Variants in MYH10 observed in about 807,000 individuals in gnomAD.
MYH10 encodes myosin heavy chain 10, also known as myosin-10.
MYH10 carries 55 observed loss-of-function variants against 257.8 expected under a neutral mutation model. That is an observed-to-expected ratio of 0.21 (90% confidence interval 0.17 to 0.27). The LOEUF is 0.27. Among genes scored for constraint, MYH10 ranks in the 10% least tolerant of loss-of-function variants. The probability of loss-of-function intolerance (pLI) is 1.00; values close to 1 mark genes in which losing one functional copy is unlikely to be tolerated. For missense variants in MYH10, 1,631 were observed against 2,500.6 expected, an observed-to-expected ratio of 0.65 and a Z score of 7.42; for synonymous variants, 854 against 921.7, an observed-to-expected ratio of 0.93 and a Z score of 1.33.
At chr17:8,531,665 A>G (rs1329527924) in intron 16 of MYH10, among the ~76,000 whole-genome samples, 2 of 151,010 alleles carry the variant, frequency 1.3e-5, no homozygotes, top group African/African-American at 4.9e-5. Context: ...TGCTGGGATT[A>G]CAGGCGTGAG....
chr17:8,577,372 G>A (rs750607831), intron 4 of MYH10, 34 bp from the exon 5 acceptor site: 27 of 1,424,036 alleles, frequency 1.9e-5, no homozygotes, highest in Admixed American at 1.4e-4. Flanking sequence ...CTGCTTTAAC[G>A]AAAGCACAGC....
chr17:8,609,498 T>C lies in MYH10; in HGVS notation c.346-4516A>G, dbSNP rs2084943773. On this transcript the variant is annotated intron_variant, in intron 2 of 42. Transcript: ENST00000360416. ...AGAAATAAATTACCTGTGGAAATTA[T>C]CTATAAAATAACTAAAAGAAAACTT... 2.0e-5 allele frequency among the ~76,000 whole-genome samples: 3 copies of C among 152,152 alleles called. No individual in the cohort carries two copies. In the South Asian group the frequency reaches 6.2e-4, roughly 32 times the overall value.
intron 2 of MYH10, among the ~76,000 whole-genome samples, chr17:8,621,544 A>G (rs911291283): frequency 2.0e-5 from 3 of 152,110 alleles, no homozygotes; most frequent in Non-Finnish European, 4.4e-5. Flanking sequence ...TGGTTATTCA[A>G]TCTCAGCTGG....
rs1248105608 is a variant in MYH10 at position 8,604,950 on chromosome 17, G to A, written c.378C>T (p.Asn126=). The change falls in exon 3 of 43, where the codon AAC becomes AAT. Residue 126 remains asparagine (N), a synonymous_variant. Coordinates refer to ENST00000360416, the MANE Select transcript of MYH10 (RefSeq NM_001256012.3). ...AGTAAATTGGAAGATTCTTGTAAGG[G>A]TTTATAACTACACAGAAGAGTCCAG... ...TYSGLFCVVI[N]PYKNLPIYSE... The A allele has an allele frequency of 6.4e-6, 10 of 1,560,526 alleles. 1 individual carries two copies. The highest frequency in any genetic ancestry group is 5.4e-5 in the African/African-American group (4 of 73,474).
At position 8,501,457 on chromosome 17, in the gene MYH10, C is replaced by T. The variant is rs189013606; in HGVS notation, c.3600-487G>A. Reference sequence around the variant, plus strand: ...GATGCCAAACTGCCTGCCATAGCCCCAACAGACTTGAATAAAACTGGAAAA... The same window carrying T: ...GATGCCAAACTGCCTGCCATAGCCCTAACAGACTTGAATAAAACTGGAAAA... On this transcript the variant is annotated intron_variant, in intron 28 of 42. Coordinates refer to ENST00000360416, the MANE Select transcript of MYH10 (RefSeq NM_001256012.3). Among the ~76,000 whole-genome samples, 335 of 152,254 alleles carry T rather than the reference C, an allele frequency of 2.2e-3. 1 individual carries two copies. Among genetic ancestry groups the T allele is most frequent in the Middle Eastern group, 0.02 (6 of 294 alleles).
intron 3 of MYH10, among the ~76,000 whole-genome samples, chr17:8,590,873 C>CTTTTT (rs398030291): frequency 0.69 from 61,026 of 88,042 alleles, 24,149 homozygotes; most frequent in East Asian, 0.81. Context: ...TCAATGTCGC[C>CTTTTT]TTTTTTTTTT....
intron 7 of MYH10, among the ~76,000 whole-genome samples, chr17:8,562,898 ATT>A (rs1263726015): frequency 6.6e-6 from 1 of 152,188 alleles, no homozygotes; most frequent in Admixed American, 6.5e-5. Context: ...AGTTTCAAAA[ATT>A]TTGTTTGTTC....
intron 7 of MYH10, among the ~76,000 whole-genome samples, chr17:8,565,387 A>C (rs2083132011): frequency 6.6e-6 from 1 of 152,222 alleles, no homozygotes; most frequent in African/African-American, 2.4e-5. Flanking sequence ...AACATTATTT[A>C]ATCAATGGAC....
At position 8,604,779 on chromosome 17, in the gene MYH10, A is replaced by T. The variant is rs767909629; in HGVS notation, c.502+47T>A. ...TTGAGACATTAAAAAACAGTAAATT[A>T]CATTTAAGAAATTCTGAGCATTTAG... On this transcript the variant is annotated intron_variant, in intron 3 of 42. Coordinates refer to ENST00000360416, the MANE Select transcript of MYH10 (RefSeq NM_001256012.3). 7.0e-5 allele frequency: 92 copies of T among 1,314,870 alleles called. No individual in the cohort carries two copies. The Middle Eastern group carries it at 1.2e-3, about 18-fold the overall frequency. 81.5% of individuals were successfully genotyped at this position (1,314,870 alleles called of 1,614,324 possible).
chr17:8,507,835 G>A (rs1245205839), intron 26 of MYH10, among the ~76,000 whole-genome samples: 1 of 152,146 alleles, frequency 6.6e-6, no homozygotes, highest in African/African-American at 2.4e-5. Flanking sequence ...GCCAGGTGTG[G>A]TTGGTGCATG....
intron 40 of MYH10, among the ~76,000 whole-genome samples, chr17:8,478,939 C>T (rs1017603218): frequency 3.9e-5 from 6 of 152,176 alleles, no homozygotes; most frequent in Non-Finnish European, 8.8e-5. Flanking sequence ...ACTACGTTGG[C>T]CAGGCTGGTC....
At chr17:8,543,169 A>G (rs1245500629) in intron 13 of MYH10, among the ~76,000 whole-genome samples, 1 of 152,182 alleles carries the variant, frequency 6.6e-6, no homozygotes, top group East Asian at 1.9e-4. Context: ...AACCTCTTTC[A>G]TTATAAAAAG....
intron 35 of MYH10, among the ~76,000 whole-genome samples, chr17:8,489,706 A>ACACACACACAC (rs1915430017): frequency 5.3e-5 from 6 of 112,886 alleles, no homozygotes; most frequent in Admixed American, 2.4e-4. Context: ...TCCGTCTGAA[A>ACACACACACAC]AAACACACAC....
At chr17:8,629,970 C>T (rs2085845997) in intron 1 of MYH10, among the ~76,000 whole-genome samples, 2 of 151,970 alleles carry the variant, frequency 1.3e-5, no homozygotes, top group Admixed American at 1.3e-4. Flanking sequence ...TCCCCGGCCG[C>T]GCAGAGCCAA....
At chr17:8,618,051 G>T (rs1163689147) in intron 2 of MYH10, among the ~76,000 whole-genome samples, 1 of 152,038 alleles carries the variant, frequency 6.6e-6, no homozygotes, top group Non-Finnish European at 1.5e-5. Flanking sequence ...TGGCTTAATC[G>T]AAAACAACTC....
At position 8,569,373 on chromosome 17, in the gene MYH10, C is replaced by T. The variant is rs76050087; in HGVS notation, c.756+347G>A. Among the ~76,000 whole-genome samples the T allele has an allele frequency of 0.013, 1,955 of 152,218 alleles. 35 individuals carry two copies. The highest frequency in any genetic ancestry group is 0.045 in the African/African-American group (1,871 of 41,528). ...GCATAGTGCCGGGCTAAGTGCTCAG[C>T]GTGCACACCATTTATTCTCTACTCC... On this transcript the variant is annotated intron_variant, in intron 7 of 42. Transcript: ENST00000360416. This position sits in a 1 kb window ranked among gnomAD's most constrained non-coding sequence, Gnocchi z 4.1.
intron 42 of MYH10, 61 bp downstream of exon 42, chr17:8,476,815 C>G: frequency 1.3e-6 from 2 of 1,550,142 alleles, no homozygotes; most frequent in South Asian, 2.3e-5. Flanking sequence ...CAGCTGCACC[C>G]CGAGCCTAAG....
At chr17:8,516,709 A>T (rs904853609) in intron 21 of MYH10, among the ~76,000 whole-genome samples, 15 of 152,182 alleles carry the variant, frequency 9.9e-5, no homozygotes, top group Admixed American at 2.6e-4. Context: ...TGCTAACTCT[A>T]TGAAGTTAGC....
At chr17:8,561,318 T>A in intron 7 of MYH10, 2 of 1,126,674 alleles carry the variant, frequency 1.8e-6, no homozygotes, top group Non-Finnish European at 2.7e-6. Context: ...GCCCGATGCA[T>A]GCCCAAGGAC....
Sources: gnomAD v4.1 joint callset for allele counts (sites outside exome capture counted in the v4.1 genomes callset) on GRCh38, gnomAD v4.1.1 for gene constraint, Gnocchi (gnomAD v3.1) non-coding constraint, MANE v1.5 for transcripts, NCBI Gene and HGNC (gene_info 2026-07-23, HGNC 2026-07-21) for gene names.